Variants in ASXL1 observed in about 807,000 individuals in gnomAD.
ASXL1 encodes ASXL transcriptional regulator 1, also known as polycomb group protein ASXL1.
Under a neutral mutation model 89.1 loss-of-function variants are expected in ASXL1, and 65 were observed. The ratio of observed to expected loss-of-function variants is 0.73; its 90% confidence interval spans 0.60 to 0.90. The LOEUF is 0.90. Ranked by LOEUF, ASXL1 falls within the 40% of genes least tolerant of loss-of-function variation. The pLI is 0.00. For synonymous variants in ASXL1, 739 were observed against 746.9 expected, an observed-to-expected ratio of 0.99 and a Z score of 0.17; for missense variants, 1,786 against 1,942.9, an observed-to-expected ratio of 0.92 and a Z score of 1.52.
At chr20:32,401,517 C>CAT (rs1212527809) in intron 4 of ASXL1, among the ~76,000 whole-genome samples, 4 of 140,102 alleles carry the variant, frequency 2.9e-5, no homozygotes, top group African/African-American at 1.1e-4. Flanking sequence ...AGTACTGAAC[C>CAT]ATATATGTGT....
intron 12 of ASXL1, 116 bp from the exon 13 acceptor site, chr20:32,434,316 A>G: frequency 7.6e-7 from 1 of 1,310,042 alleles, no homozygotes; most frequent in Non-Finnish European, 1.1e-6. Context: ...TTTTAAGGAA[A>G]TTATTTGATT....
At chr20:32,378,158 TTGTGTGTGTGTGTGTGTG>T (rs142792019) in intron 4 of ASXL1, among the ~76,000 whole-genome samples, 5 of 130,316 alleles carry the variant, frequency 3.8e-5, no homozygotes, top group Admixed American at 7.8e-5. Flanking sequence ...GCTGAGTAAT[TTGTGTGTGTGTGTGTGTG>T]TGTGTGTGTG....
chr20:32,412,215 C>T (rs1315442636), intron 4 of ASXL1, among the ~76,000 whole-genome samples: 1 of 152,148 alleles, frequency 6.6e-6, no homozygotes, highest in African/African-American at 2.4e-5. Context: ...TCTAACTTTA[C>T]CTTTCTATAT....
chr20:32,428,852 G>A (rs893583612), intron 6 of ASXL1: 2 of 289,500 alleles, frequency 6.9e-6, no homozygotes, highest in African/African-American at 4.5e-5. Flanking sequence ...GTAGAGATAG[G>A]GTTTTGCCAT....
At chr20:32,414,943 G>A (rs1174996583) in intron 4 of ASXL1, among the ~76,000 whole-genome samples, 1 of 152,096 alleles carries the variant, frequency 6.6e-6, no homozygotes, top group African/African-American at 2.4e-5. Context: ...TGGGAGCCAA[G>A]GTGGGGAGGG....
At chr20:32,376,219 C>G (rs1226946411) in intron 4 of ASXL1, among the ~76,000 whole-genome samples, 1 of 151,664 alleles carries the variant, frequency 6.6e-6, no homozygotes, top group Non-Finnish European at 1.5e-5. Flanking sequence ...CAGGAAGACA[C>G]CAGTTATTTT....
In ASXL1 at chr20:32,435,342, A is replaced by C. The variant is rs771673303; in HGVS notation, c.2630A>C (p.Glu877Ala). The change falls in exon 13 of 13, where the codon GAA (glutamate) becomes GCA (alanine). Residue 877 changes from glutamate to alanine, a missense_variant. Coordinates refer to ENST00000375687, the MANE Select transcript of ASXL1 (RefSeq NM_015338.6). ...GGTGGCTCATGCCCTCCTATGAGGGAAAGTGATACTAGACAAGAAAACTTG... is the reference window on the plus strand; with the variant it reads ...GGTGGCTCATGCCCTCCTATGAGGGCAAGTGATACTAGACAAGAAAACTTG... ...GLGGSCPPMRESDTRQENLKT... is the reference protein window; with the variant it reads ...GLGGSCPPMRASDTRQENLKT... 1 of 1,614,194 alleles carries C rather than the reference A, an allele frequency of 6.2e-7. No individual in the cohort carries two copies. Among genetic ancestry groups the C allele is most frequent in the Non-Finnish European group, 8.5e-7 (1 of 1,180,016 alleles).
At chr20:32,402,275 C>T (rs2048888636) in intron 4 of ASXL1, among the ~76,000 whole-genome samples, 1 of 152,134 alleles carries the variant, frequency 6.6e-6, no homozygotes, top group South Asian at 2.1e-4. Flanking sequence ...GGTTGGTCTC[C>T]AACTCCTAGG....
intron 4 of ASXL1, among the ~76,000 whole-genome samples, chr20:32,397,678 C>T (rs367708194): frequency 2.0e-5 from 3 of 150,904 alleles, no homozygotes; most frequent in East Asian, 1.9e-4. Flanking sequence ...GAATTGCAGG[C>T]GTGAGCCACC....
chr20:32,369,631 CTT>C (rs1261967899), intron 4 of ASXL1, among the ~76,000 whole-genome samples: 1 of 148,006 alleles, frequency 6.8e-6, no homozygotes, highest in Admixed American at 6.8e-5. Flanking sequence ...CATAGCAGCT[CTT>C]GTTTGTGTGT....
chr20:32,416,796 TC>T, intron 4 of ASXL1, among the ~76,000 whole-genome samples: 1 of 152,376 alleles, frequency 6.6e-6, no homozygotes, highest in East Asian at 1.9e-4. Flanking sequence ...CATTACATTT[TC>T]TTTGCATTTT....
intron 4 of ASXL1, among the ~76,000 whole-genome samples, chr20:32,403,256 G>A (rs1441763858): frequency 6.6e-6 from 1 of 152,056 alleles, no homozygotes; most frequent in Non-Finnish European, 1.5e-5. Context: ...ATTGACCTAC[G>A]CATCTGTTCC....
intron 4 of ASXL1, among the ~76,000 whole-genome samples, chr20:32,398,465 C>G (rs1259672723): frequency 6.6e-6 from 1 of 152,090 alleles, no homozygotes; most frequent in Admixed American, 6.6e-5. Flanking sequence ...GCATTTTTCT[C>G]TCTGTCCTTT....
In ASXL1 at chr20:32,436,871, GCTA is replaced by G. The variant is rs2145393030; in HGVS notation, c.4162_4164del (p.Thr1388del). ...TAAGGCAAATGCCGAGAACAGGAAA[GCTA>G]CTGGGCATAGTCCCCTGGAACTGGT... is the stretch of plus-strand genomic sequence containing the variant. On this transcript the variant is annotated inframe_deletion, in exon 13 of 13. Coordinates refer to ENST00000375687, the MANE Select transcript of ASXL1 (RefSeq NM_015338.6). The G allele has an allele frequency of 2.5e-6, 4 of 1,614,226 alleles. No homozygotes were observed. The South Asian group carries it at 3.3e-5, about 13-fold the overall frequency.
chr20:32,437,046 C>G lies in ASXL1; in HGVS notation c.4334C>G (p.Ser1445Cys). The G allele has an allele frequency of 6.2e-7, 1 of 1,614,156 alleles. No homozygotes were observed. Among genetic ancestry groups the G allele is most frequent in the South Asian group, 1.1e-5 (1 of 91,086 alleles). ...AAGCAGGCATTTTATGGGAAGCTTTCTAAACTCCAACTGAGTTCCACCAGC... is the reference window on the plus strand; with the variant it reads ...AAGCAGGCATTTTATGGGAAGCTTTGTAAACTCCAACTGAGTTCCACCAGC... ...SIKQAFYGKL[S>C]KLQLSSTSFN... Residue 1445 changes from serine to cysteine, a missense_variant, in exon 13 of 13, where the codon TCT (serine) becomes TGT (cysteine). Around this residue, in one of 3 missense-constraint regions of ASXL1, gnomAD observed 1,418 missense variants for 1,427.8 expected, o/e 0.99. Coordinates refer to ENST00000375687, the MANE Select transcript of ASXL1 (RefSeq NM_015338.6).
At chr20:32,394,794 G>C (rs530749593) in intron 4 of ASXL1, among the ~76,000 whole-genome samples, 4 of 151,678 alleles carry the variant, frequency 2.6e-5, no homozygotes, top group Non-Finnish European at 5.9e-5. Flanking sequence ...GCTTACTGCA[G>C]CCTCTGCCTC....
chr20:32,407,350 A>G (rs942646689), intron 4 of ASXL1, among the ~76,000 whole-genome samples: 57 of 151,520 alleles, frequency 3.8e-4, no homozygotes, highest in Non-Finnish European at 2.9e-4. Flanking sequence ...TCTCGGGGGG[A>G]AAAAAAAGAA....
At chr20:32,418,018 A>G (rs1339294822) in intron 4 of ASXL1, among the ~76,000 whole-genome samples, 9 of 152,054 alleles carry the variant, frequency 5.9e-5, no homozygotes, top group Admixed American at 5.9e-4. Context: ...CTCTACTAAA[A>G]ATACAAAAAA....
At chr20:32,421,155 C>T (rs549865259) in intron 4 of ASXL1, among the ~76,000 whole-genome samples, 1 of 150,788 alleles carries the variant, frequency 6.6e-6, no homozygotes, top group South Asian at 2.1e-4. Flanking sequence ...TTAATAGGTG[C>T]AGCAAACCAC....
Sources: allele counts gnomAD v4.1 joint callset (sites outside exome capture counted in the v4.1 genomes callset), GRCh38; gene constraint gnomAD v4.1.1; regional missense constraint gnomAD v4.1.1; transcripts MANE v1.5; gene names NCBI Gene and HGNC (gene_info 2026-07-23, HGNC 2026-07-21).